The following ERC2 variants were observed in gnomAD, a reference collection of about 807,000 sequenced individuals.
ERC2 encodes the protein ERC protein 2.
In ERC2, 42 loss-of-function variants were observed where a neutral mutation model predicts 114.8. That is an observed-to-expected ratio of 0.37 (90% CI 0.29 to 0.47). The LOEUF (loss-of-function observed/expected upper bound fraction) is 0.47, where lower values mean the gene tolerates loss of function less well. ERC2 is among the 20% of genes least tolerant of loss of function. The pLI is 0.99. For missense variants in ERC2, 939 were observed against 1,150.7 expected (o/e 0.82, Z 2.66); for synonymous variants, 454 against 425.5 (o/e 1.07, Z -0.82).
intron 2 of ERC2, among the ~76,000 whole-genome samples, chr3:56,342,879 T>G (rs1214359746): frequency 6.6e-6 from 1 of 152,202 alleles, no homozygotes; most frequent in Non-Finnish European, 1.5e-5. Flanking sequence ...CTACAAGGCT[T>G]GTCTTTTAGC....
intron 3 of ERC2, among the ~76,000 whole-genome samples, chr3:56,206,278 T>C (rs989265244): frequency 1.3e-5 from 2 of 152,084 alleles, no homozygotes. Flanking sequence ...AGGATTCTTA[T>C]CCATGCCTCC....
intron 17 of ERC2, chr3:55,612,689 T>TA (rs1458711623): frequency 1.3e-5 from 2 of 152,320 alleles, no homozygotes; most frequent in East Asian, 3.9e-4. Context: ...ATTTTTTTTT[T>TA]ACCAGTTTTT....
chr3:56,138,242 AGTAGAGACTGG>A (rs2080638572), intron 6 of ERC2, among the ~76,000 whole-genome samples: 1 of 151,924 alleles, frequency 6.6e-6, no homozygotes, highest in African/African-American at 2.4e-5. Context: ...TGTATTTTTT[AGTAGAGACTGG>A]GTTTCACCGT....
chr3:56,323,808 T>G (rs1384265287), intron 2 of ERC2, among the ~76,000 whole-genome samples: 1 of 152,162 alleles, frequency 6.6e-6, no homozygotes, highest in East Asian at 1.9e-4. Context: ...TTAAAACCAC[T>G]GTGGAAAAAA....
At chr3:55,577,391 A>T (rs763245365) in intron 17 of ERC2, among the ~76,000 whole-genome samples, 7 of 152,172 alleles carry the variant, frequency 4.6e-5, no homozygotes, top group Non-Finnish European at 1.0e-4. Context: ...AAAAATAATA[A>T]GGTTATATCC....
chr3:56,056,658 T>C (rs1342838770), intron 7 of ERC2, among the ~76,000 whole-genome samples: 1 of 152,182 alleles, frequency 6.6e-6, no homozygotes, highest in East Asian at 1.9e-4. Flanking sequence ...TGGTAATAGC[T>C]GGACGTTACT....
At chr3:56,330,324 C>A (rs555157747) in intron 2 of ERC2, among the ~76,000 whole-genome samples, 11 of 152,298 alleles carry the variant, frequency 7.2e-5, no homozygotes, top group African/African-American at 2.6e-4. Context: ...TAGGCATGAG[C>A]CACCATACAG....
chr3:56,102,484 C>T (rs913758911), intron 6 of ERC2, among the ~76,000 whole-genome samples: 5 of 152,274 alleles, frequency 3.3e-5, no homozygotes, highest in Admixed American at 3.3e-4. Flanking sequence ...ATTCACCCCA[C>T]AGGTTTCCAG....
chr3:56,254,478 AAGG>A (rs1430637794), intron 3 of ERC2, among the ~76,000 whole-genome samples: 2 of 152,188 alleles, frequency 1.3e-5, no homozygotes, highest in Non-Finnish European at 2.9e-5. Context: ...ATTCACTGTT[AAGG>A]AGGAGGCCCC....
intron 17 of ERC2, among the ~76,000 whole-genome samples, chr3:55,547,617 A>T (rs920375698): frequency 6.6e-6 from 1 of 152,196 alleles, no homozygotes; most frequent in African/African-American, 2.4e-5. Flanking sequence ...CAGCCGTAGG[A>T]GAGCTTTGCT....
chr3:56,372,508 G>A (rs542282116), intron 2 of ERC2, among the ~76,000 whole-genome samples: 3 of 152,106 alleles, frequency 2.0e-5, no homozygotes, highest in South Asian at 2.1e-4. Context: ...CAGGCAGATC[G>A]CTTGAGCCCA....
chr3:56,438,872 C>T (rs531455080), intron 1 of ERC2, among the ~76,000 whole-genome samples: 1 of 152,324 alleles, frequency 6.6e-6, no homozygotes, highest in South Asian at 2.1e-4. Flanking sequence ...AACCAACAAA[C>T]AAAGTTAGTT....
chr3:56,018,770 A>G (rs1409252084), intron 8 of ERC2, 124 bp downstream of exon 8: 2 of 1,070,616 alleles, frequency 1.9e-6, no homozygotes, highest in Non-Finnish European at 2.7e-6. Context: ...AACAAGGACC[A>G]GCTGGGACTA....
At chr3:56,380,608 T>C (rs1006044951) in intron 2 of ERC2, among the ~76,000 whole-genome samples, 4 of 152,210 alleles carry the variant, frequency 2.6e-5, no homozygotes, top group African/African-American at 9.6e-5. Flanking sequence ...CCTGAATACA[T>C]ACTTATGGAG....
At chr3:55,846,973 A>T (rs1391871670) in intron 14 of ERC2, among the ~76,000 whole-genome samples, 3 of 152,218 alleles carry the variant, frequency 2.0e-5, no homozygotes, top group African/African-American at 7.2e-5. Context: ...AGGTCTTCTT[A>T]GGCCTGACCT....
intron 13 of ERC2, among the ~76,000 whole-genome samples, chr3:55,900,660 A>C (rs2064082836): frequency 6.6e-6 from 1 of 152,212 alleles, no homozygotes; most frequent in Non-Finnish European, 1.5e-5. Flanking sequence ...TACCTTGAAC[A>C]ATAGGGAGTG....
chr3:56,127,872 G>A (rs1345180528), intron 6 of ERC2, among the ~76,000 whole-genome samples: 1 of 152,108 alleles, frequency 6.6e-6, no homozygotes, highest in Non-Finnish European at 1.5e-5. Context: ...ATGGGGAAAG[G>A]ATAGTCTCTT....
chr3:56,274,237 C>T (rs1163850735), intron 3 of ERC2, among the ~76,000 whole-genome samples: 1 of 152,170 alleles, frequency 6.6e-6, no homozygotes, highest in Non-Finnish European at 1.5e-5. Context: ...AGGCTGCATG[C>T]TACTTATGAG....
intron 2 of ERC2, among the ~76,000 whole-genome samples, chr3:56,377,543 T>G (rs1318241112): frequency 1.3e-5 from 2 of 152,164 alleles, no homozygotes; most frequent in Admixed American, 1.3e-4. Context: ...ATGTAGAAAC[T>G]TTCAAATATA....
Sources: gnomAD v4.1 joint callset for allele counts (sites outside exome capture counted in the v4.1 genomes callset) on GRCh38, gnomAD v4.1.1 for gene constraint, MANE v1.5 for transcripts, NCBI Gene and HGNC (gene_info 2026-07-23, HGNC 2026-07-21) for gene names.